The following IAPP variants were observed in gnomAD, a reference collection of about 807,000 sequenced individuals.
IAPP encodes the protein Islet amyloid polypeptide (diabetes-associated peptide; amylin).
Under a neutral mutation model 2.9 loss-of-function variants are expected in IAPP, and 4 were observed. The observed-to-expected ratio is 1.39, with a 90% CI of 0.69 to 3.19. The LOEUF is 3.19. IAPP is among the 30% of genes most tolerant of loss of function. The pLI is 0.01. For missense variants in IAPP, 114 were observed against 105.3 expected (o/e 1.08, Z -0.36); for synonymous variants, 40 against 42.1 (o/e 0.95, Z 0.19).
chr12:21,374,370 T>A (rs1403167492), intron 2 of IAPP: 1 of 152,206 alleles, frequency 6.6e-6, no homozygotes, highest in African/African-American at 2.4e-5. Flanking sequence ...ACTTACACAC[T>A]CTTTAACACC....
intron 1 of IAPP, among the ~76,000 whole-genome samples, chr12:21,356,461 G>C (rs971637051): frequency 6.6e-6 from 1 of 151,582 alleles, no homozygotes; most frequent in Non-Finnish European, 1.5e-5. Context: ...AACAATAGAA[G>C]AACGGGCACA....
intron 2 of IAPP, among the ~76,000 whole-genome samples, chr12:21,376,003 T>C (rs1940168519): frequency 6.6e-6 from 1 of 152,190 alleles, no homozygotes; most frequent in South Asian, 2.1e-4. Context: ...ATCTTATATA[T>C]ACTGAATAGT....
intron 2 of IAPP, among the ~76,000 whole-genome samples, chr12:21,376,765 A>G (rs1940225435): frequency 6.6e-6 from 1 of 152,082 alleles, no homozygotes; most frequent in African/African-American, 2.4e-5. Context: ...GGTAAACACA[A>G]TGAGATAAAT....
chr12:21,359,276 G>C (rs1319512920), intron 1 of IAPP, among the ~76,000 whole-genome samples: 1 of 151,972 alleles, frequency 6.6e-6, no homozygotes, highest in Non-Finnish European at 1.5e-5. Flanking sequence ...ATAGACTCTA[G>C]GTCTGTGGAA....
rs914182974 is a variant in IAPP at position 21,379,039 on chromosome 12, C to T, written c.*613C>T. On this transcript the variant is annotated 3_prime_UTR_variant, in exon 3 of 3. Coordinates refer to ENST00000240652, the MANE Select transcript of IAPP (RefSeq NM_000415.3). ...GCAGTGAGCCGAGATTGCACCACTGCACTCCAGCCTGGGTGGCAGAGTGAG... is the reference window on the plus strand; with the variant it reads ...GCAGTGAGCCGAGATTGCACCACTGTACTCCAGCCTGGGTGGCAGAGTGAG... 6.6e-6 allele frequency: 1 copy of T among 152,276 alleles called. No individual in the cohort carries two copies. Among genetic ancestry groups the T allele is most frequent in the African/African-American group, 2.4e-5 (1 of 41,422 alleles). 9.4% of individuals were successfully genotyped at this position (152,276 alleles called of 1,614,324 possible).
chr12:21,367,520 T>G (rs1317238049), intron 1 of IAPP, among the ~76,000 whole-genome samples: 1 of 152,090 alleles, frequency 6.6e-6, no homozygotes, highest in Non-Finnish European at 1.5e-5. Context: ...AATATTATCA[T>G]ATGAAGAGTG....
At chr12:21,359,176 A>T (rs1480127092) in intron 1 of IAPP, among the ~76,000 whole-genome samples, 1 of 152,196 alleles carries the variant, frequency 6.6e-6, no homozygotes, top group Non-Finnish European at 1.5e-5. Flanking sequence ...ACTTTAAGAA[A>T]GACCATCCCC....
At chr12:21,373,739 A>G (rs572557497) in intron 2 of IAPP, 9 of 701,086 alleles carry the variant, frequency 1.3e-5, no homozygotes, top group Middle Eastern at 2.3e-4. Flanking sequence ...AAAAGGTAGT[A>G]ATTTCTTCTA....
upstream of IAPP, among the ~76,000 whole-genome samples, chr12:21,368,543 G>A (rs879733455): frequency 5.9e-5 from 9 of 152,090 alleles, no homozygotes; most frequent in Admixed American, 3.9e-4. Flanking sequence ...CCCATAAATT[G>A]TATGTTTAGA....
At chr12:21,371,711 C>CA (rs1284043430), upstream of IAPP, among the ~76,000 whole-genome samples, 2 of 151,812 alleles carry the variant, frequency 1.3e-5, no homozygotes, top group Non-Finnish European at 2.9e-5. Flanking sequence ...TTTAGAAATA[C>CA]AAAAAAAGAG....
chr12:21,368,632 T>C (rs1939564744), upstream of IAPP, among the ~76,000 whole-genome samples: 1 of 152,126 alleles, frequency 6.6e-6, no homozygotes, highest in Non-Finnish European at 1.5e-5. Context: ...GTTAAAATTA[T>C]GTGATCTCTA....
chr12:21,375,824 C>T (rs1345532681), intron 2 of IAPP, among the ~76,000 whole-genome samples: 1 of 152,102 alleles, frequency 6.6e-6, no homozygotes, highest in East Asian at 1.9e-4. Flanking sequence ...CAAGAATTTC[C>T]ATGTGTGTAT....
chr12:21,370,880 T>C (rs1273995286), upstream of IAPP, among the ~76,000 whole-genome samples: 2 of 152,176 alleles, frequency 1.3e-5, no homozygotes, highest in African/African-American at 2.4e-5. Context: ...AGACCCAAAC[T>C]GGGGCTTAGC....
Position 21,373,856 on chromosome 12 carries a change from A to G in IAPP, c.80+425A>G, listed in dbSNP as rs992900199. The G allele has an allele frequency of 9.6e-6, 5 of 519,302 alleles. No individual in the cohort carries two copies. In the African/African-American group the frequency reaches 9.6e-5, roughly 10 times the overall value. 32.2% of individuals were successfully genotyped at this position (519,302 alleles called of 1,614,324 possible). A position where few individuals can be genotyped will look rare whatever the true frequency, so the allele number is the denominator to read the frequency against. On this transcript the variant is annotated intron_variant, in intron 2 of 2. Transcript: ENST00000240652. ...TTACTTAGATTTTTGTTTTCCTCAG[A>G]TGTCTCTGGAAATGTTAAAAACTTT... is the stretch of plus-strand genomic sequence containing the variant.
At chr12:21,377,019 AAT>A (rs1940248396) in intron 2 of IAPP, among the ~76,000 whole-genome samples, 1 of 152,204 alleles carries the variant, frequency 6.6e-6, no homozygotes, top group African/African-American at 2.4e-5. Flanking sequence ...CTGTCAAAAA[AAT>A]AGAGTTGGTA....
At chr12:21,371,653 T>C (rs1939799399), upstream of IAPP, among the ~76,000 whole-genome samples, 1 of 152,166 alleles carries the variant, frequency 6.6e-6, no homozygotes, top group Non-Finnish European at 1.5e-5. Context: ...TTTATTTGCT[T>C]TACATGACAC....
upstream of IAPP, among the ~76,000 whole-genome samples, chr12:21,370,731 A>C (rs546032258): frequency 6.6e-6 from 1 of 152,292 alleles, no homozygotes; most frequent in Non-Finnish European, 1.5e-5. Flanking sequence ...TTTTGTCTAA[A>C]TGAACACTAG....
chr12:21,361,106 C>T (rs1170179690), intron 1 of IAPP, among the ~76,000 whole-genome samples: 1 of 152,186 alleles, frequency 6.6e-6, no homozygotes, highest in African/African-American at 2.4e-5. Context: ...GTCCCTGACC[C>T]CTGAGTAGCC....
At chr12:21,356,158 G>A (rs1050765381) in intron 1 of IAPP, among the ~76,000 whole-genome samples, 8 of 151,942 alleles carry the variant, frequency 5.3e-5, no homozygotes, top group South Asian at 2.1e-4. Context: ...TGTTACTACC[G>A]TCTCTGTACC....
Sources: allele counts gnomAD v4.1 joint callset (sites outside exome capture counted in the v4.1 genomes callset), GRCh38; gene constraint gnomAD v4.1.1; transcripts MANE v1.5; gene names NCBI Gene and HGNC (gene_info 2026-07-23, HGNC 2026-07-21).